Variants in FAM135B observed in about 807,000 individuals in gnomAD.
FAM135B encodes family with sequence similarity 135 member B.
In FAM135B, 43 loss-of-function variants were observed where a neutral mutation model predicts 127.7. The observed-to-expected ratio is 0.34, with a 90% CI of 0.26 to 0.43. The LOEUF is 0.43. Among genes scored for constraint, FAM135B ranks in the 20% least tolerant of loss-of-function variants. The probability of loss-of-function intolerance (pLI) is 1.00; values close to 1 mark genes in which losing one functional copy is unlikely to be tolerated. For missense variants in FAM135B, 1,558 were observed against 1,725.6 expected (o/e 0.90, Z 1.72); for synonymous variants, 670 against 665.1 (o/e 1.01, Z -0.11).
chr8:138,221,976 G>C (rs1444294154), intron 7 of FAM135B, among the ~76,000 whole-genome samples: 3 of 152,186 alleles, frequency 2.0e-5, no homozygotes, highest in Non-Finnish European at 4.4e-5. Context: ...CATGTAAAGA[G>C]AAAAATCAAT....
At chr8:138,396,913 A>C (rs768851333) in intron 1 of FAM135B, among the ~76,000 whole-genome samples, 2 of 152,214 alleles carry the variant, frequency 1.3e-5, no homozygotes, top group Non-Finnish European at 2.9e-5. Flanking sequence ...TGTATCCATA[A>C]GACAAATGTG....
At chr8:138,240,289 C>A (rs577058382) in intron 7 of FAM135B, among the ~76,000 whole-genome samples, 4 of 152,174 alleles carry the variant, frequency 2.6e-5, no homozygotes, top group Non-Finnish European at 5.9e-5. Context: ...TTTGGCTGGG[C>A]CGTGCTCAGA....
chr8:138,302,180 T>C (rs533374546), intron 3 of FAM135B, among the ~76,000 whole-genome samples: 19 of 151,748 alleles, frequency 1.3e-4, no homozygotes, highest in Non-Finnish European at 2.4e-4. Context: ...AGAAGAAAAA[T>C]GAATTCCAAG....
chr8:138,239,034 T>C (rs1047717741), intron 7 of FAM135B, among the ~76,000 whole-genome samples: 1 of 152,102 alleles, frequency 6.6e-6, no homozygotes, highest in African/African-American at 2.4e-5. Context: ...AGAAGAGAAA[T>C]AAAAAGAAAA....
rs116918458 is a variant in FAM135B at position 138,451,339 on chromosome 8, T to C, written c.-20+45332A>G. ...ACACTTCTTGTTGCATATGCCGTATTGTTATTAGGGTAGAAGTTTTTGAAA... is the reference window on the plus strand; with the variant it reads ...ACACTTCTTGTTGCATATGCCGTATCGTTATTAGGGTAGAAGTTTTTGAAA... On this transcript the variant is annotated intron_variant, in intron 1 of 19. Transcript: ENST00000395297. Among the ~76,000 whole-genome samples the C allele has an allele frequency of 4.2e-4, 64 of 152,342 alleles. 1 individual carries two copies. In the East Asian group the frequency reaches 0.012, roughly 28 times the overall value.
intron 2 of FAM135B, among the ~76,000 whole-genome samples, chr8:138,352,399 A>G (rs1041672554): frequency 1.8e-4 from 28 of 152,218 alleles, no homozygotes; most frequent in Admixed American, 6.5e-4. Flanking sequence ...TAAAATAAAC[A>G]TCACCTTGTA....
intron 3 of FAM135B, among the ~76,000 whole-genome samples, chr8:138,285,356 A>G (rs927330327): frequency 1.3e-5 from 2 of 151,986 alleles, no homozygotes; most frequent in African/African-American, 2.4e-5. Context: ...CATGTTGGCC[A>G]GGCTGGTCTT....
intron 18 of FAM135B, among the ~76,000 whole-genome samples, chr8:138,138,519 C>T (rs1816852875): frequency 6.6e-6 from 1 of 152,234 alleles, no homozygotes; most frequent in African/African-American, 2.4e-5. Context: ...GGGTCTTCAA[C>T]ACCTCTATGC....
At chr8:138,188,470 G>A (rs1815787331) in intron 9 of FAM135B, among the ~76,000 whole-genome samples, 1 of 152,200 alleles carries the variant, frequency 6.6e-6, no homozygotes, top group Non-Finnish European at 1.5e-5. Flanking sequence ...TGGCAAGGTT[G>A]TTGGTGTGAG....
chr8:138,212,044 G>A (rs761417766), intron 7 of FAM135B, among the ~76,000 whole-genome samples: 7 of 152,096 alleles, frequency 4.6e-5, no homozygotes, highest in African/African-American at 7.2e-5. Flanking sequence ...CTCCACCCTT[G>A]GTGACAGAAA....
chr8:138,262,326 A>T (rs973949853), intron 4 of FAM135B, among the ~76,000 whole-genome samples: 2 of 152,154 alleles, frequency 1.3e-5, no homozygotes, highest in Non-Finnish European at 2.9e-5. Context: ...TGTCATTAGC[A>T]CTCTGCCAGG....
chr8:138,461,064 A>T (rs1587508620), intron 1 of FAM135B, among the ~76,000 whole-genome samples: 1 of 152,198 alleles, frequency 6.6e-6, no homozygotes, highest in East Asian at 1.9e-4. Flanking sequence ...CATTTAAAAA[A>T]CAGGGAGTTA....
intron 3 of FAM135B, among the ~76,000 whole-genome samples, chr8:138,289,503 G>T (rs1824941953): frequency 6.6e-6 from 1 of 152,224 alleles, no homozygotes; most frequent in Non-Finnish European, 1.5e-5. Flanking sequence ...TCTCAGAAGT[G>T]GTTCCAGCTC....
At chr8:138,190,922 C>T (rs1459122911) in intron 9 of FAM135B, among the ~76,000 whole-genome samples, 2 of 152,174 alleles carry the variant, frequency 1.3e-5, no homozygotes, top group Non-Finnish European at 2.9e-5. Flanking sequence ...CAAACCAATG[C>T]AGATCTTACA....
At chr8:138,466,291 A>T (rs1455367347) in intron 1 of FAM135B, among the ~76,000 whole-genome samples, 1 of 152,298 alleles carries the variant, frequency 6.6e-6, no homozygotes, top group Non-Finnish European at 1.5e-5. Context: ...CAAGCAAGAG[A>T]GCTGCACTGT....
chr8:138,214,843 C>T (rs1313668497), intron 7 of FAM135B, among the ~76,000 whole-genome samples: 1 of 152,038 alleles, frequency 6.6e-6, no homozygotes, highest in African/African-American at 2.4e-5. Flanking sequence ...CTCAAATTAG[C>T]CTTAGGTGAA....
chr8:138,205,636 T>C (rs1354324981), intron 7 of FAM135B, among the ~76,000 whole-genome samples: 2 of 152,154 alleles, frequency 1.3e-5, no homozygotes, highest in African/African-American at 4.8e-5. Flanking sequence ...ATACCTAAAT[T>C]ATGTGTCCCA....
At chr8:138,385,997 G>A (rs992685062) in intron 1 of FAM135B, among the ~76,000 whole-genome samples, 1 of 151,976 alleles carries the variant, frequency 6.6e-6, no homozygotes, top group African/African-American at 2.4e-5. Flanking sequence ...AAGGCAGGTG[G>A]ATCACCTGAG....
At chr8:138,265,561 C>A in intron 4 of FAM135B, 142 bp downstream of exon 4, 1 of 832,378 alleles carries the variant, frequency 1.2e-6, no homozygotes, top group Non-Finnish European at 1.9e-6. Flanking sequence ...TAAATAAGTG[C>A]ATGAGTGCAC....
Sources: allele counts gnomAD v4.1 joint callset (sites outside exome capture counted in the v4.1 genomes callset), GRCh38; gene constraint gnomAD v4.1.1; transcripts MANE v1.5; gene names NCBI Gene and HGNC (gene_info 2026-07-23, HGNC 2026-07-21).